NPTX2: variants seen among roughly 807,000 people sequenced by gnomAD.
The protein encoded by NPTX2 is neuronal pentraxin-2.
NPTX2 carries 23 observed loss-of-function variants against 38.1 expected under a neutral mutation model. The observed-to-expected ratio is 0.60, with a 90% CI of 0.43 to 0.85. The LOEUF (loss-of-function observed/expected upper bound fraction) is 0.85. Among genes scored for constraint, NPTX2 ranks in the 40% least tolerant of loss-of-function variants. The probability of loss-of-function intolerance (pLI) is 0.00; values close to 1 mark genes in which losing one functional copy is unlikely to be tolerated. For synonymous variants in NPTX2, 291 were observed against 287.3 expected, an observed-to-expected ratio of 1.01 and a Z score of -0.13; for missense variants, 553 against 615.3, an observed-to-expected ratio of 0.90 and a Z score of 1.07.
intron 2 of NPTX2, among the ~76,000 whole-genome samples, chr7:98,624,300 A>G (rs1791310916): frequency 6.6e-6 from 1 of 151,998 alleles, no homozygotes; most frequent in African/African-American, 2.4e-5. Context: ...GCTATGTTGC[A>G]CAGGCTGGTC....
At chr7:98,619,942 C>T (rs906318623) in intron 2 of NPTX2, 83 bp downstream of exon 2, 5 of 1,245,548 alleles carry the variant, frequency 4.0e-6, no homozygotes, top group Middle Eastern at 2.6e-4. Flanking sequence ...GGTTGATGGA[C>T]AGCAGGGATT....
Position 98,617,411 on chromosome 7 carries a change from C to G in NPTX2, c.-51C>G. 1.7e-6 allele frequency: 1 copy of G among 573,058 alleles called. No homozygotes were observed. Among genetic ancestry groups the G allele is most frequent in the Non-Finnish European group, 2.5e-6 (1 of 404,616 alleles). The allele number at this position is 573,058 out of a possible 1,614,324, so 35.5% of individuals were successfully genotyped here. On this transcript the variant is annotated 5_prime_UTR_variant, in exon 1 of 5. Coordinates refer to ENST00000265634, the MANE Select transcript of NPTX2 (RefSeq NM_002523.3). ...GCGAAGGCGCCTCCCGCGGAGCGCC[C>G]CGACGGCGCCCGCTCGCCCATGCCG...
Position 98,617,665 on chromosome 7 carries a change from G to A in NPTX2, c.204G>A (p.Glu68=). ...ELRAAVLQLR[E]TVVQQKETLG... Reference sequence around the variant, plus strand: ...GGGCCGCGGTGCTGCAGCTGCGCGAGACCGTCGTGCAGCAGAAGGAGACGC... The same window carrying A: ...GGGCCGCGGTGCTGCAGCTGCGCGAAACCGTCGTGCAGCAGAAGGAGACGC... Residue 68 remains glutamate, a synonymous_variant, in exon 1 of 5, where the codon GAG becomes GAA. Transcript: ENST00000265634. 3 of 1,480,674 alleles carry A rather than the reference G, an allele frequency of 2.0e-6. No homozygotes were observed. The highest frequency in any genetic ancestry group is 2.7e-6 in the Non-Finnish European group (3 of 1,124,462). 91.7% of individuals were successfully genotyped at this position (1,480,674 alleles called of 1,614,324 possible).
chr7:98,619,271 C>A (rs1029635480), intron 1 of NPTX2, among the ~76,000 whole-genome samples: 1 of 151,962 alleles, frequency 6.6e-6, no homozygotes, highest in African/African-American at 2.4e-5. Context: ...AGCTCCTTGG[C>A]TTTGTGTAAC....
intron 2 of NPTX2, among the ~76,000 whole-genome samples, chr7:98,622,804 A>T (rs1791290475): frequency 6.6e-6 from 1 of 152,168 alleles, no homozygotes. Flanking sequence ...GCCCATCCTT[A>T]GGAGGTCAGG....
intron 3 of NPTX2, 126 bp downstream of exon 3, chr7:98,625,292 G>A (rs1157188473): frequency 1.6e-5 from 21 of 1,290,880 alleles, no homozygotes; most frequent in Non-Finnish European, 2.2e-5. Context: ...TGGGACTGCG[G>A]GGCTGTCCTC....
chr7:98,628,747 C>G lies in NPTX2; in HGVS notation c.*118C>G. The G allele has an allele frequency of 1.8e-6, 1 of 567,866 alleles. No individual in the cohort carries two copies. The highest frequency in any genetic ancestry group is 3.2e-6 in the Non-Finnish European group (1 of 317,418). 35.2% of individuals were successfully genotyped at this position (567,866 alleles called of 1,614,324 possible). A position where few individuals can be genotyped will look rare whatever the true frequency, so the allele number is the denominator to read the frequency against. On this transcript the variant is annotated 3_prime_UTR_variant, in exon 5 of 5. Coordinates refer to ENST00000265634, the MANE Select transcript of NPTX2 (RefSeq NM_002523.3). ...GGCTCAGGGTTCCCAGAGCTCATTC[C>G]CCAGGAATCTCTAAGACCAGGGCTG...
At chr7:98,618,449 A>C (rs368236256) in intron 1 of NPTX2, among the ~76,000 whole-genome samples, 1 of 152,030 alleles carries the variant, frequency 6.6e-6, no homozygotes, top group Non-Finnish European at 1.5e-5. Context: ...CAGAGCGCGC[A>C]TTAGAGGGGC....
At chr7:98,619,883 G>C in intron 2 of NPTX2, 24 bp downstream of exon 2, 1 of 1,601,930 alleles carries the variant, frequency 6.2e-7, no homozygotes, top group Non-Finnish European at 8.5e-7. Context: ...CTGTTTCTCT[G>C]TCTGGCAGTG....
chr7:98,623,265 G>A (rs1361715611), intron 2 of NPTX2, among the ~76,000 whole-genome samples: 1 of 152,184 alleles, frequency 6.6e-6, no homozygotes, highest in Non-Finnish European at 1.5e-5. Context: ...CCTTTGCCAT[G>A]ACAGCTGGCA....
chr7:98,622,791 G>T (rs889115209), intron 2 of NPTX2, among the ~76,000 whole-genome samples: 1 of 152,216 alleles, frequency 6.6e-6, no homozygotes, highest in African/African-American at 2.4e-5. Context: ...GGCATCGAGA[G>T]GTGCCCATCC....
At chr7:98,628,375 C>A in intron 4 of NPTX2, 27 bp from the exon 5 acceptor site, 1 of 1,201,928 alleles carries the variant, frequency 8.3e-7, no homozygotes, top group Non-Finnish European at 1.2e-6. Flanking sequence ...CCAGCCCTGA[C>A]GCAGCTCTCT....
intron 2 of NPTX2, chr7:98,620,204 AGTGGGAGG>A (rs1791251267): frequency 3.1e-6 from 1 of 326,042 alleles, no homozygotes; most frequent in African/African-American, 2.1e-5. Flanking sequence ...CAGGAGACAG[AGTGGGAGG>A]GATCAGGGGA....
At chr7:98,628,164 G>A (rs1302401169) in intron 4 of NPTX2, among the ~76,000 whole-genome samples, 1 of 152,092 alleles carries the variant, frequency 6.6e-6, no homozygotes, top group Non-Finnish European at 1.5e-5. Context: ...CCTGGCTTTG[G>A]GACTTTGAGC....
intron 3 of NPTX2, among the ~76,000 whole-genome samples, chr7:98,626,218 T>A (rs948528599): frequency 2.6e-5 from 4 of 151,206 alleles, no homozygotes; most frequent in African/African-American, 9.7e-5. Context: ...CTTCCAAACT[T>A]TCATTCTAAT....
At chr7:98,626,575 G>A (rs113320007) in intron 3 of NPTX2, among the ~76,000 whole-genome samples, 3 of 152,126 alleles carry the variant, frequency 2.0e-5, no homozygotes, top group Admixed American at 6.5e-5. Flanking sequence ...GGGAGGCTTC[G>A]GGTTGCTAGG....
rs1200735768 is a variant in NPTX2 at position 98,628,886 on chromosome 7, A to G, written c.*257A>G. On this transcript the variant is annotated 3_prime_UTR_variant, in exon 5 of 5. Transcript: ENST00000265634. ...CAAGACACCTGCCCCAAGTGGGTGG[A>G]TATCTGCCTTCCTGCTGCAAGTGGA... 5 of 372,272 alleles carry G rather than the reference A, an allele frequency of 1.3e-5. No individual in the cohort carries two copies. The highest frequency in any genetic ancestry group is 1.2e-4 in the East Asian group (3 of 25,160). 23.1% of individuals were successfully genotyped at this position (372,272 alleles called of 1,614,324 possible).
intron 2 of NPTX2, among the ~76,000 whole-genome samples, chr7:98,622,451 A>T (rs557308696): frequency 1.3e-5 from 2 of 152,214 alleles, no homozygotes; most frequent in African/African-American, 2.4e-5. Flanking sequence ...TCTTTATTAG[A>T]CAATGATGCC....
At chr7:98,617,937 G>A (rs1269259732) in intron 1 of NPTX2, 50 bp downstream of exon 1, 1 of 1,514,404 alleles carries the variant, frequency 6.6e-7, no homozygotes, top group Admixed American at 2.1e-5. Flanking sequence ...ACGCTCCCGA[G>A]TCGGGGGCGG....
Sources: gnomAD v4.1 joint callset for allele counts (sites outside exome capture counted in the v4.1 genomes callset) on GRCh38, gnomAD v4.1.1 for gene constraint, MANE v1.5 for transcripts, NCBI Gene and HGNC (gene_info 2026-07-23, HGNC 2026-07-21) for gene names.